RNF41: variants seen among roughly 807,000 people sequenced by gnomAD.
The protein encoded by RNF41 is ring finger protein 41, also known as E3 ubiquitin-protein ligase NRDP1.
RNF41 carries 4 observed loss-of-function variants against 33.0 expected under a neutral mutation model. The ratio of observed to expected loss-of-function variants is 0.12; its 90% confidence interval spans 0.06 to 0.28. The LOEUF is 0.28. Among genes scored for constraint, RNF41 ranks in the 10% least tolerant of loss-of-function variants. RNF41 has a pLI of 1.00. For missense variants in RNF41, 228 were observed against 432.6 expected, an observed-to-expected ratio of 0.53 and a Z score of 4.19; for synonymous variants, 164 against 153.2, an observed-to-expected ratio of 1.07 and a Z score of -0.52.
At chr12:56,220,220 C>T (rs1401449902) in intron 1 of RNF41, among the ~76,000 whole-genome samples, 1 of 148,218 alleles carries the variant, frequency 6.7e-6, no homozygotes, top group Non-Finnish European at 1.5e-5. Context: ...TTTTTTTTGG[C>T]GGGGGGTGTG....
At chr12:56,208,057 C>A (rs1868306934) in intron 5 of RNF41, 106 bp downstream of exon 5, 8 of 1,370,406 alleles carry the variant, frequency 5.8e-6, no homozygotes, top group Non-Finnish European at 6.1e-6. Context: ...TCTAGGCTCA[C>A]AAGTGTAAGC....
intron 1 of RNF41, among the ~76,000 whole-genome samples, chr12:56,219,670 T>TACACACACACACAC (rs765627528): frequency 7.9e-5 from 12 of 150,996 alleles, no homozygotes; most frequent in Admixed American, 1.3e-4. Context: ...TATGTGTATA[T>TACACACACACACAC]ACACGCGCGC....
chr12:56,216,036 T>C (rs1420823701), intron 2 of RNF41, among the ~76,000 whole-genome samples: 2 of 151,194 alleles, frequency 1.3e-5, no homozygotes, highest in Admixed American at 6.6e-5. Context: ...GCAGGAGAAC[T>C]GCTTGAACCC....
intron 1 of RNF41, among the ~76,000 whole-genome samples, chr12:56,218,709 G>A (rs906142359): frequency 1.3e-5 from 2 of 148,166 alleles, no homozygotes; most frequent in African/African-American, 4.9e-5. Context: ...ATATATATAT[G>A]TTATTTTTTT....
At chr12:56,210,642 T>A (rs1407748227) in intron 3 of RNF41, 74 bp from the exon 4 acceptor site, 1 of 1,451,094 alleles carries the variant, frequency 6.9e-7, no homozygotes, top group Admixed American at 1.8e-5. Flanking sequence ...GATATAACTC[T>A]ACAAAGCCAA....
chr12:56,206,871 A>T lies in RNF41; in HGVS notation c.603-73T>A. The T allele has an allele frequency of 1.7e-6, 2 of 1,147,062 alleles. No homozygotes were observed. The highest frequency in any genetic ancestry group is 2.5e-6 in the Non-Finnish European group (2 of 811,584). The allele number at this position is 1,147,062 out of a possible 1,614,324, so 71.1% of individuals were successfully genotyped here. A position where few individuals can be genotyped will look rare whatever the true frequency, so the allele number is the denominator to read the frequency against. On this transcript the variant is annotated intron_variant, in intron 6 of 6. Coordinates refer to ENST00000345093, the MANE Select transcript of RNF41 (RefSeq NM_005785.4). This position sits in a 1 kb window ranked among gnomAD's most constrained non-coding sequence, Gnocchi z 5.7. ...CTGTATTGGCTTTTTCTGCTAATAG[A>T]AATAACTACCCACTCTGCACTCAGC...
At chr12:56,210,650 C>A in intron 3 of RNF41, 82 bp from the exon 4 acceptor site, 1 of 1,429,368 alleles carries the variant, frequency 7.0e-7, no homozygotes, top group Non-Finnish European at 9.6e-7. Flanking sequence ...TCTACAAAGC[C>A]AATCAAGCCT....
intron 5 of RNF41, 145 bp downstream of exon 5, chr12:56,208,015 CCCT>C: frequency 5.2e-6 from 5 of 953,614 alleles, no homozygotes; most frequent in Non-Finnish European, 8.1e-6. Flanking sequence ...CAATCTGATT[CCCT>C]GCTAAGCCAC....
At chr12:56,212,419 G>A (rs1830280661) in intron 3 of RNF41, among the ~76,000 whole-genome samples, 2 of 152,152 alleles carry the variant, frequency 1.3e-5, no homozygotes, top group Non-Finnish European at 2.9e-5. Flanking sequence ...GGCATCATGA[G>A]GGTTGCCTGC....
At chr12:56,220,187 C>T (rs1041977231) in intron 1 of RNF41, among the ~76,000 whole-genome samples, 2 of 151,830 alleles carry the variant, frequency 1.3e-5, no homozygotes, top group African/African-American at 4.8e-5. Context: ...GGACCAATCA[C>T]CTGAGGTCAG....
chr12:56,215,252 C>T (rs1000701340), intron 2 of RNF41, among the ~76,000 whole-genome samples: 14 of 152,098 alleles, frequency 9.2e-5, no homozygotes, highest in South Asian at 4.2e-4. Context: ...GGATTTTGGA[C>T]TTTATTCTGA....
chr12:56,216,878 C>T (rs571838862), intron 1 of RNF41, among the ~76,000 whole-genome samples: 39 of 152,286 alleles, frequency 2.6e-4, no homozygotes, highest in South Asian at 4.1e-4. Context: ...TGGTGGCTCA[C>T]GCCTGTAATC....
At chr12:56,219,302 C>T (rs1869155080) in intron 1 of RNF41, among the ~76,000 whole-genome samples, 1 of 151,920 alleles carries the variant, frequency 6.6e-6, no homozygotes, top group South Asian at 2.1e-4. Context: ...CACCATTCTC[C>T]TGCCCCAGCC....
chr12:56,212,816 G>C (rs1040405008), intron 3 of RNF41, among the ~76,000 whole-genome samples: 2 of 152,144 alleles, frequency 1.3e-5, no homozygotes, highest in Admixed American at 6.6e-5. Flanking sequence ...AGCAGTGAAT[G>C]GGGGAAGGGC....
intron 3 of RNF41, 28 bp from the exon 4 acceptor site, chr12:56,210,596 C>A: frequency 6.2e-7 from 1 of 1,601,410 alleles, no homozygotes; most frequent in South Asian, 1.1e-5. Context: ...GCAAAAGGGG[C>A]GCAAGGGAAT....
intron 5 of RNF41, 87 bp from the exon 6 acceptor site, chr12:56,207,836 G>A (rs1234556176): frequency 1.9e-6 from 2 of 1,029,510 alleles, no homozygotes; most frequent in Non-Finnish European, 3.1e-6. Flanking sequence ...GGGCAACTGA[G>A]AGATCTGAAG....
chr12:56,204,770 T>C lies in RNF41; in HGVS notation c.*1677A>G, dbSNP rs925380948. On this transcript the variant is annotated 3_prime_UTR_variant, in exon 7 of 7. Coordinates refer to ENST00000345093, the MANE Select transcript of RNF41 (RefSeq NM_005785.4). Reference sequence around the variant, plus strand: ...GCACAATGTCCCAGAGCTGGAACCCTACTCCCCTCAAGCTTTCCACCCCAA... The same window carrying C: ...GCACAATGTCCCAGAGCTGGAACCCCACTCCCCTCAAGCTTTCCACCCCAA... 1 of 152,660 alleles carries C rather than the reference T, an allele frequency of 6.6e-6. No individual in the cohort carries two copies. Among genetic ancestry groups the C allele is most frequent in the Non-Finnish European group, 1.5e-5 (1 of 68,090 alleles). 9.5% of individuals were successfully genotyped at this position (152,660 alleles called of 1,614,324 possible). A position where few individuals can be genotyped will look rare whatever the true frequency, so the allele number is the denominator to read the frequency against.
intron 6 of RNF41, chr12:56,207,090 T>G: frequency 2.2e-6 from 3 of 1,341,422 alleles, no homozygotes; most frequent in Non-Finnish European, 2.9e-6. Context: ...GCTCTATGTT[T>G]AGTGAATAAA....
Position 56,213,843 on chromosome 12 carries a change from G to A in RNF41, c.90+115C>T, listed in dbSNP as rs1185445913. 5.3e-6 allele frequency: 4 copies of A among 756,696 alleles called. No homozygotes were observed. In the African/African-American group the frequency reaches 6.8e-5, roughly 13 times the overall value. The allele number at this position is 756,696 out of a possible 1,614,324, so 46.9% of individuals were successfully genotyped here. A position where few individuals can be genotyped will look rare whatever the true frequency, so the allele number is the denominator to read the frequency against. Reference sequence around the variant, plus strand: ...CCTTTGACCTAAATCTCTATTGGGTGAGGGTGGAGAGAAGAACACAGTGAC... The same window carrying A: ...CCTTTGACCTAAATCTCTATTGGGTAAGGGTGGAGAGAAGAACACAGTGAC... On this transcript the variant is annotated intron_variant, in intron 3 of 6. Coordinates refer to ENST00000345093, the MANE Select transcript of RNF41 (RefSeq NM_005785.4).
Sources: allele counts gnomAD v4.1 joint callset (sites outside exome capture counted in the v4.1 genomes callset), GRCh38; gene constraint gnomAD v4.1.1; non-coding constraint Gnocchi (gnomAD v3.1); transcripts MANE v1.5; gene names NCBI Gene and HGNC (gene_info 2026-07-23, HGNC 2026-07-21).